Variants in TSNARE1 observed in about 807,000 individuals in gnomAD.
TSNARE1 encodes t-SNARE domain containing 1, also known as t-SNARE domain-containing protein 1.
TSNARE1 carries 49 observed loss-of-function variants against 62.0 expected under a neutral mutation model. That is an observed-to-expected ratio of 0.79 (90% confidence interval 0.63 to 1.00). The LOEUF (loss-of-function observed/expected upper bound fraction) is 1.00. Among genes scored for constraint, TSNARE1 ranks in the 50% least tolerant of loss-of-function variants. The probability of loss-of-function intolerance (pLI) is 0.00; values close to 1 mark genes in which losing one functional copy is unlikely to be tolerated. For synonymous variants in TSNARE1, 328 were observed against 294.4 expected (o/e 1.11, Z -1.17); for missense variants, 755 against 700.1 (o/e 1.08, Z -0.88).
chr8:142,339,450 G>A (rs1370403587), intron 4 of TSNARE1, among the ~76,000 whole-genome samples: 1 of 152,106 alleles, frequency 6.6e-6, no homozygotes, highest in Non-Finnish European at 1.5e-5. Flanking sequence ...GGGCGGGCAG[G>A]CAGGGGGTGT....
chr8:142,256,320 C>T (rs1378988132), intron 12 of TSNARE1, among the ~76,000 whole-genome samples: 159 of 46,754 alleles, frequency 3.4e-3, no homozygotes, highest in South Asian at 4.4e-3. Flanking sequence ...TCATCACCAC[C>T]ATCACCATCT....
Position 142,237,444 on chromosome 8 carries a change from C to G in TSNARE1, c.1447-7865G>C, listed in dbSNP as rs544128759. Among the ~76,000 whole-genome samples, 10 of 152,334 alleles carry G rather than the reference C, an allele frequency of 6.6e-5. No individual in the cohort carries two copies. In the East Asian group the frequency reaches 1.9e-3, roughly 30 times the overall value. ...GTGAAGCCACAGGGCCTTTCATGGC[C>G]TCTCCACCCAAAGGGCCTGGCACAA... On this transcript the variant is annotated intron_variant, in intron 12 of 13. Transcript: ENST00000524325.
chr8:142,224,612 C>A (rs1428379588), intron 13 of TSNARE1, among the ~76,000 whole-genome samples: 1 of 152,204 alleles, frequency 6.6e-6, no homozygotes, highest in Non-Finnish European at 1.5e-5. Context: ...CAAAGGAGGT[C>A]CCTGTCTTGA....
chr8:142,405,666 A>G (rs117886195), upstream of TSNARE1: 3,484 of 152,176 alleles, frequency 0.023, 47 homozygotes, highest in East Asian at 0.047. Context: ...GTGTCAACCT[A>G]TGGCTTTGTC....
chr8:142,361,293 G>A (rs1587012600), intron 1 of TSNARE1, among the ~76,000 whole-genome samples: 1 of 152,362 alleles, frequency 6.6e-6, no homozygotes, highest in Middle Eastern at 3.4e-3. Flanking sequence ...CTTGTCCCAT[G>A]GGGGAGGAAA....
chr8:142,382,707 G>A (rs1836856200), intron 1 of TSNARE1, among the ~76,000 whole-genome samples: 2 of 152,230 alleles, frequency 1.3e-5, no homozygotes, highest in African/African-American at 4.8e-5. Flanking sequence ...TCACTCCAGA[G>A]GAAAGCTGTT....
chr8:142,357,767 G>A lies in TSNARE1; in HGVS notation c.-39-3004C>T, dbSNP rs560281691. Among the ~76,000 whole-genome samples, 59 of 152,352 alleles carry A rather than the reference G, an allele frequency of 3.9e-4. 1 individual carries two copies. Among genetic ancestry groups the A allele is most frequent in the African/African-American group, 1.3e-3 (56 of 41,572 alleles). On this transcript the variant is annotated intron_variant, in intron 1 of 13. Transcript: ENST00000524325. Reference sequence around the variant, plus strand: ...GCTACATGCAGAACGCGAGTCCACTGTGTAGGGACAGTTGTTAAGGAAGAG... The same window carrying A: ...GCTACATGCAGAACGCGAGTCCACTATGTAGGGACAGTTGTTAAGGAAGAG...
chr8:142,233,847 G>A (rs1010741371), intron 12 of TSNARE1, among the ~76,000 whole-genome samples: 2 of 152,112 alleles, frequency 1.3e-5, no homozygotes, highest in East Asian at 1.9e-4. Context: ...ATGCTGAGTC[G>A]CTAGGGTCCA....
intron 11 of TSNARE1, among the ~76,000 whole-genome samples, chr8:142,282,505 C>T (rs570850325): frequency 6.6e-6 from 1 of 151,596 alleles, no homozygotes; most frequent in Admixed American, 6.6e-5. Flanking sequence ...GGGTCAGTGT[C>T]TGCCAACGAG....
chr8:142,278,069 A>C lies in TSNARE1; in HGVS notation c.1364-3206T>G, dbSNP rs115473650. 8,631 of 985,322 alleles carry C rather than the reference A, an allele frequency of 8.8e-3. 90 individuals are homozygous for C. The highest frequency in any genetic ancestry group is 0.05 in the African/African-American group (2,875 of 57,310). 61.0% of individuals were successfully genotyped at this position (985,322 alleles called of 1,614,324 possible). ...CATCCCTGGCCTGCACAGGCCTGAG[A>C]GGACCCAGATCCTCCTCCAGCCCCA... On this transcript the variant is annotated intron_variant, in intron 11 of 13. Coordinates refer to ENST00000524325, the MANE Select transcript of TSNARE1 (RefSeq NM_145003.5).
chr8:142,250,396 C>T (rs371446071), intron 12 of TSNARE1, among the ~76,000 whole-genome samples: 29 of 152,194 alleles, frequency 1.9e-4, no homozygotes, highest in African/African-American at 6.7e-4. Flanking sequence ...AGGCATAATC[C>T]CTGCTTCTGC....
intron 4 of TSNARE1, among the ~76,000 whole-genome samples, chr8:142,339,728 G>A (rs116952702): frequency 1.2e-4 from 19 of 152,384 alleles, no homozygotes; most frequent in Admixed American, 6.5e-4. Flanking sequence ...AACCACTCCC[G>A]AGGGAGGTCT....
At chr8:142,276,541 A>C (rs1820531191) in intron 11 of TSNARE1, 1 of 985,346 alleles carries the variant, frequency 1.0e-6, no homozygotes, top group African/African-American at 1.7e-5. Flanking sequence ...AGCATTTGCC[A>C]GCAGAGACAG....
chr8:142,383,234 G>T (rs1032938286), intron 1 of TSNARE1, among the ~76,000 whole-genome samples: 1 of 152,196 alleles, frequency 6.6e-6, no homozygotes, highest in African/African-American at 2.4e-5. Flanking sequence ...AACAACCCAG[G>T]GTCAGGCTGG....
At chr8:142,245,555 A>G (rs1226094344) in intron 12 of TSNARE1, among the ~76,000 whole-genome samples, 1 of 152,254 alleles carries the variant, frequency 6.6e-6, no homozygotes, top group Non-Finnish European at 1.5e-5. Context: ...ACAAAAGGCC[A>G]GTCTCAGAAG....
chr8:142,241,622 A>G (rs1817669974), intron 12 of TSNARE1, among the ~76,000 whole-genome samples: 1 of 152,250 alleles, frequency 6.6e-6, no homozygotes, highest in Non-Finnish European at 1.5e-5. Flanking sequence ...AGCTATGGTA[A>G]CCAAAACAGC....
intron 6 of TSNARE1, 60 bp from the exon 7 acceptor site, chr8:142,318,694 G>T: frequency 6.4e-7 from 1 of 1,563,548 alleles, no homozygotes; most frequent in Non-Finnish European, 8.8e-7. Flanking sequence ...GAGAGCAAGG[G>T]CCCAGAAGGA....
At chr8:142,390,944 A>T (rs1297933818) in intron 1 of TSNARE1, among the ~76,000 whole-genome samples, 182 of 72,522 alleles carry the variant, frequency 2.5e-3, no homozygotes, top group South Asian at 4.8e-3. Flanking sequence ...TGTACACTGC[A>T]GGGGACTCTA....
At chr8:142,224,073 T>C (rs551338493) in intron 13 of TSNARE1, among the ~76,000 whole-genome samples, 1 of 152,340 alleles carries the variant, frequency 6.6e-6, no homozygotes, top group African/African-American at 2.4e-5. Context: ...CTCCTCATCC[T>C]GGTGTGCAGG....
Sources: allele counts gnomAD v4.1 joint callset (sites outside exome capture counted in the v4.1 genomes callset), GRCh38; gene constraint gnomAD v4.1.1; transcripts MANE v1.5; gene names NCBI Gene and HGNC (gene_info 2026-07-23, HGNC 2026-07-21).